GTPBP4: variants seen among roughly 807,000 people sequenced by gnomAD.
GTPBP4 encodes GTP binding protein 4.
GTPBP4 carries 15 observed loss-of-function variants against 81.7 expected under a neutral mutation model. The observed-to-expected ratio is 0.18, with a 90% confidence interval of 0.12 to 0.28. GTPBP4 has a LOEUF of 0.28. Ranked by LOEUF, GTPBP4 falls within the 10% of genes least tolerant of loss-of-function variation. GTPBP4 has a pLI of 1.00. For missense variants in GTPBP4, 847 were observed against 793.8 expected (o/e 1.07, Z -0.81); for synonymous variants, 272 against 274.6 (o/e 0.99, Z 0.09).
At chr10:988,564 T>A (rs1020995292) in intron 1 of GTPBP4, 37 bp downstream of exon 1, 4 of 1,541,604 alleles carry the variant, frequency 2.6e-6, no homozygotes, top group Non-Finnish European at 3.6e-6. Flanking sequence ...AACTTTCGCG[T>A]TCTCCTCAGC....
intron 14 of GTPBP4, 26 bp downstream of exon 14, chr10:1,012,688 T>C (rs779175791): frequency 6.4e-7 from 1 of 1,556,730 alleles, no homozygotes; most frequent in East Asian, 2.3e-5. Context: ...TCCAAAGCAG[T>C]GTGATCTAGT....
intron 10 of GTPBP4, chr10:1,008,058 G>A (rs927746536): frequency 2.2e-6 from 1 of 455,930 alleles, no homozygotes; most frequent in African/African-American, 2.0e-5. Flanking sequence ...TTTTTTTTCT[G>A]GGTGTTCAGG....
chr10:988,491 C>T lies in GTPBP4; in HGVS notation c.12C>T (p.Tyr4=), dbSNP rs751194173. The T allele has an allele frequency of 6.2e-7, 1 of 1,613,378 alleles. No individual in the cohort carries two copies. The highest frequency in any genetic ancestry group is 1.7e-5 in the Admixed American group (1 of 60,004). ...ATACGGCTGCCGGCATGGCACATTACAACTTCAAGAAAATTACGGTGGTGC... is the reference window on the plus strand; with the variant it reads ...ATACGGCTGCCGGCATGGCACATTATAACTTCAAGAAAATTACGGTGGTGC... MAH[Y]NFKKITVVPS... The change falls in exon 1 of 17, where the codon TAC becomes TAT. Residue 4 remains tyrosine, a synonymous_variant. Transcript: ENST00000360803.
At chr10:1,014,515 CG>C (rs1331874834) in intron 15 of GTPBP4, among the ~76,000 whole-genome samples, 2 of 152,054 alleles carry the variant, frequency 1.3e-5, no homozygotes, top group African/African-American at 4.8e-5. Context: ...AAAAATTAGC[CG>C]GGCGTGGTGG....
In GTPBP4 at chr10:1,017,092, G is replaced by C; in HGVS notation, c.1770G>C (p.Lys590Asn). 1 of 1,613,404 alleles carries C rather than the reference G, an allele frequency of 6.2e-7. No individual in the cohort carries two copies. The highest frequency in any genetic ancestry group is 8.5e-7 in the Non-Finnish European group (1 of 1,179,602). The change falls in exon 17 of 17, where the codon AAG (lysine) becomes AAC (asparagine). Residue 590 changes from lysine (K) to asparagine (N), a missense_variant. Transcript: ENST00000360803. ...CCTTTTAGATGGTGAAGAAAGCCAAGACTATGATGAAGAATGCTCAGAAGA... is the reference window on the plus strand; with the variant it reads ...CCTTTTAGATGGTGAAGAAAGCCAACACTATGATGAAGAATGCTCAGAAGA... The part of the protein sequence containing the change: ...LRDVKMVKKA[K>N]TMMKNAQKKM...
At chr10:1,004,052 G>A (rs896888631) in intron 8 of GTPBP4, among the ~76,000 whole-genome samples, 3 of 152,150 alleles carry the variant, frequency 2.0e-5, no homozygotes, top group Admixed American at 6.5e-5. Context: ...GTGGGGTCAG[G>A]GCACAGTCCT....
chr10:1,015,393 A>ATC (rs1564472214), intron 15 of GTPBP4, among the ~76,000 whole-genome samples: 1 of 122,384 alleles, frequency 8.2e-6, no homozygotes, highest in Admixed American at 7.9e-5. Context: ...TGAGCCTGGG[A>ATC]GTGGACCTGG....
chr10:1,001,682 GTTTT>G (rs35451774), intron 8 of GTPBP4, among the ~76,000 whole-genome samples: 22 of 142,084 alleles, frequency 1.5e-4, no homozygotes, highest in Admixed American at 2.8e-4. Context: ...CTCATGGGTG[GTTTT>G]TTTTTTTTTT....
At chr10:1,013,140 C>A (rs566931655) in intron 14 of GTPBP4, among the ~76,000 whole-genome samples, 1 of 152,004 alleles carries the variant, frequency 6.6e-6, no homozygotes, top group South Asian at 2.1e-4. Flanking sequence ...CCTGCCACTA[C>A]GCCTGGCTAA....
In GTPBP4 at chr10:1,008,887, A is replaced by G. The variant is rs769028454; in HGVS notation, c.1114-71A>G. The G allele has an allele frequency of 3.5e-6, 4 of 1,156,368 alleles. No homozygotes were observed. The East Asian group carries it at 7.0e-5, about 20-fold the overall frequency. The allele number at this position is 1,156,368 out of a possible 1,614,324, so 71.6% of individuals were successfully genotyped here. A position where few individuals can be genotyped will look rare whatever the true frequency, so the allele number is the denominator to read the frequency against. ...CCTTGCACGTAGGGAATTTGTTTCT[A>G]CTTTTTCGGCTTTGTAAGTTTCTCA... is the stretch of plus-strand genomic sequence containing the variant. On this transcript the variant is annotated intron_variant, in intron 10 of 16. Transcript: ENST00000360803.
At chr10:1,009,625 G>A (rs769025175) in intron 12 of GTPBP4, 45 bp downstream of exon 12, 10 of 1,085,666 alleles carry the variant, frequency 9.2e-6, no homozygotes, top group Admixed American at 3.4e-5. Flanking sequence ...CCAATTGGAC[G>A]TGAAGTATTT....
At chr10:989,092 CA>C (rs1369871447) in intron 1 of GTPBP4, 1 of 148,968 alleles carries the variant, frequency 6.7e-6, no homozygotes, top group African/African-American at 2.5e-5. Context: ...AAGAATGAGT[CA>C]ACAAGTGTTG....
rs1831752888 is a variant in GTPBP4, at chr10:1,007,048, G to A, written c.1033G>A (p.Glu345Lys). Reference protein sequence around the residue: ...ACDRLLAHRVETKMKGNKVNE... With the variant: ...ACDRLLAHRVKTKMKGNKVNE... The stretch of plus-strand genomic sequence containing the variant: ...CGATAGGCTTTTGGCTCATCGAGTG[G>A]AAACCAAAATGAAGGGAAATAAAGT... Residue 345 changes from glutamate to lysine, a missense_variant, in exon 10 of 17, where the codon GAA becomes AAA. Physicochemically the swap from Glu to Lys is moderately conservative, Grantham distance 56. Around this residue, in one of 3 missense-constraint regions of GTPBP4, gnomAD observed 600 missense variants for 557.1 expected, o/e 1.08. Coordinates refer to ENST00000360803, the MANE Select transcript of GTPBP4 (RefSeq NM_012341.3). The A allele has an allele frequency of 6.2e-7, 1 of 1,613,100 alleles. No homozygotes were observed. The highest frequency in any genetic ancestry group is 8.5e-7 in the Non-Finnish European group (1 of 1,179,086).
At chr10:1,001,681 GGTTT>G (rs1479757322) in intron 8 of GTPBP4, among the ~76,000 whole-genome samples, 12 of 23,238 alleles carry the variant, frequency 5.2e-4, no homozygotes, top group Non-Finnish European at 1.0e-3. Flanking sequence ...TCTCATGGGT[GGTTT>G]TTTTTTTTTT....
rs1002835469 is a variant in GTPBP4 at position 991,269 on chromosome 10, C to G, written c.49-1220C>G. The stretch of plus-strand genomic sequence containing the variant: ...CATTATCCTCAGCACCCAAGTATCC[C>G]TAACAACCTTTGTATGAAATAATAT... On this transcript the variant is annotated intron_variant, in intron 1 of 16. Transcript: ENST00000360803. 4.9e-4 allele frequency among the ~76,000 whole-genome samples: 74 copies of G among 152,194 alleles called. 2 individuals are homozygous for G. The highest frequency in any genetic ancestry group is 4.8e-3 in the Admixed American group (73 of 15,284).
At position 1,014,320 on chromosome 10, in the gene GTPBP4, T is replaced by G; in HGVS notation, c.1608+8T>G. On this transcript the variant is annotated splice_region_variant and intron_variant, in intron 15 of 16. Coordinates refer to ENST00000360803, the MANE Select transcript of GTPBP4 (RefSeq NM_012341.3). ...ATGGACGATAAAGACGATGTGAGTG[T>G]GGGGGCGGTTCATGTGTTTATGTGG... The G allele has an allele frequency of 1.3e-6, 2 of 1,598,178 alleles. No individual in the cohort carries two copies. Among genetic ancestry groups the G allele is most frequent in the Non-Finnish European group, 1.7e-6 (2 of 1,165,812 alleles).
Position 1,008,983 on chromosome 10 carries a change from G to T in GTPBP4, c.1139G>T (p.Gly380Val). The change falls in exon 11 of 17, where the codon GGA becomes GTA. Residue 380 changes from glycine to valine, a missense_variant. Transcript: ENST00000360803. The part of the protein sequence containing the change: ...DKERPPFIPE[G>V]VVARRKRMET... ...GAGAGGCCCCCTTTCATCCCTGAAGGAGTGGTGGCTCGCAGGAAGAGGATG... is the reference window on the plus strand; with the variant it reads ...GAGAGGCCCCCTTTCATCCCTGAAGTAGTGGTGGCTCGCAGGAAGAGGATG... 6.2e-7 allele frequency: 1 copy of T among 1,612,556 alleles called. No individual in the cohort carries two copies. The highest frequency in any genetic ancestry group is 8.5e-7 in the Non-Finnish European group (1 of 1,178,548).
chr10:997,743 T>C (rs1831559981), intron 5 of GTPBP4, among the ~76,000 whole-genome samples: 1 of 152,196 alleles, frequency 6.6e-6, no homozygotes, highest in Non-Finnish European at 1.5e-5. Flanking sequence ...CAGGTGACAC[T>C]CACCCAGCTG....
At chr10:1,012,844 CCTTT>C (rs1356520991) in intron 14 of GTPBP4, among the ~76,000 whole-genome samples, 182 bp downstream of exon 14, 2 of 152,148 alleles carry the variant, frequency 1.3e-5, no homozygotes, top group Admixed American at 1.3e-4. Context: ...TTTACTGCGT[CCTTT>C]CTTGGTGACT....
Sources: gnomAD v4.1 joint callset for allele counts (sites outside exome capture counted in the v4.1 genomes callset) on GRCh38, gnomAD v4.1.1 for gene constraint, gnomAD v4.1.1 regional missense constraint, MANE v1.5 for transcripts, NCBI Gene and HGNC (gene_info 2026-07-23, HGNC 2026-07-21) for gene names.